The following CCDC141 variants were observed in gnomAD, a reference collection of about 807,000 sequenced individuals.
The protein encoded by CCDC141 is coiled-coil domain containing 141.
CCDC141 carries 168 observed loss-of-function variants against 181.0 expected under a neutral mutation model. The ratio of observed to expected loss-of-function variants is 0.93; its 90% CI spans 0.82 to 1.05. The LOEUF (loss-of-function observed/expected upper bound fraction) is 1.05. CCDC141 is among the 50% of genes least tolerant of loss of function. CCDC141 has a pLI of 0.00. For missense variants in CCDC141, 1,902 were observed against 1,788.5 expected, an observed-to-expected ratio of 1.06 and a Z score of -1.14; for synonymous variants, 666 against 642.3, an observed-to-expected ratio of 1.04 and a Z score of -0.56.
chr2:179,015,091 T>TAC lies in CCDC141; in HGVS notation c.225+32192_225+32193insGT, dbSNP rs1403968448. On this transcript the variant is annotated intron_variant, in intron 2 of 23. Coordinates refer to ENST00000443758, the MANE Select transcript of CCDC141 (RefSeq NM_173648.4). Reference sequence around the variant, plus strand: ...AGATATATATATATATATATATATATATATATATATATAATATATATATAA... The same window carrying TAC: ...AGATATATATATATATATATATATATACATATATATATATAATATATATATAA... 3.0e-3 allele frequency among the ~76,000 whole-genome samples: 127 copies of TAC among 42,030 alleles called. 7 individuals carry two copies. Among genetic ancestry groups the TAC allele is most frequent in the East Asian group, 0.029 (33 of 1,124 alleles). The allele number at this position is 42,030 out of a possible 152,430, so 27.6% of individuals were successfully genotyped here.
chr2:179,036,231 C>T (rs2043141030), intron 2 of CCDC141, among the ~76,000 whole-genome samples: 1 of 152,102 alleles, frequency 6.6e-6, no homozygotes, highest in Admixed American at 6.6e-5. Flanking sequence ...GAATTCTTGC[C>T]CCTTTGGTAA....
chr2:179,038,195 A>T (rs2043196782), intron 2 of CCDC141, among the ~76,000 whole-genome samples: 1 of 152,238 alleles, frequency 6.6e-6, no homozygotes, highest in Non-Finnish European at 1.5e-5. Context: ...AAAGGAATGA[A>T]GGTCTGATAC....
intron 1 of CCDC141, among the ~76,000 whole-genome samples, chr2:179,048,633 T>A (rs998153503): frequency 1.3e-5 from 2 of 152,204 alleles, no homozygotes; most frequent in South Asian, 2.1e-4. Context: ...AAAGTATCAT[T>A]AATCCCGTGC....
chr2:179,027,646 C>CAAAAAAAAAAAAAAAAAAAAAAAAAAAA (rs71023466), intron 2 of CCDC141, among the ~76,000 whole-genome samples: 7 of 53,274 alleles, frequency 1.3e-4, no homozygotes, highest in African/African-American at 2.1e-4. Flanking sequence ...CTCTTACTCT[C>CAAAAAAAAAAAAAAAAAAAAAAAAAAAA]AAAAAAAAAA....
intron 5 of CCDC141, among the ~76,000 whole-genome samples, chr2:178,958,347 G>A (rs1690246655): frequency 6.6e-6 from 1 of 152,068 alleles, no homozygotes; most frequent in Non-Finnish European, 1.5e-5. Flanking sequence ...TCCATTGATT[G>A]TAAACAAGCT....
chr2:178,925,634 C>T (rs1394161240), intron 6 of CCDC141, among the ~76,000 whole-genome samples: 1 of 151,962 alleles, frequency 6.6e-6, no homozygotes, highest in Non-Finnish European at 1.5e-5. Context: ...GTGTCTTGTC[C>T]CTGTTTTTCT....
chr2:179,046,755 C>A (rs976632292), intron 2 of CCDC141, among the ~76,000 whole-genome samples: 1 of 152,182 alleles, frequency 6.6e-6, no homozygotes, highest in Non-Finnish European at 1.5e-5. Flanking sequence ...AACCTCAAAC[C>A]AATGTTACTT....
chr2:178,904,659 G>A (rs2154372877), intron 8 of CCDC141, among the ~76,000 whole-genome samples: 1 of 152,160 alleles, frequency 6.6e-6, no homozygotes, highest in Non-Finnish European at 1.5e-5. Flanking sequence ...TCCACTATCT[G>A]CTCTGTCATT....
At chr2:178,947,635 T>C (rs1390608994) in intron 5 of CCDC141, among the ~76,000 whole-genome samples, 1 of 152,014 alleles carries the variant, frequency 6.6e-6, no homozygotes, top group African/African-American at 2.4e-5. Context: ...ATGACATCTA[T>C]CACAGAGTGA....
At chr2:178,872,696 C>T (rs533900339) in intron 12 of CCDC141, among the ~76,000 whole-genome samples, 7 of 152,262 alleles carry the variant, frequency 4.6e-5, no homozygotes, top group South Asian at 2.1e-4. Context: ...CATTGGAATA[C>T]GTCAAAATAT....
chr2:178,876,160 A>T (rs1217500438), intron 12 of CCDC141: 1 of 152,136 alleles, frequency 6.6e-6, no homozygotes, highest in Non-Finnish European at 1.5e-5. Context: ...TTGCAGCTCC[A>T]AGTAGATGAG....
At chr2:178,856,425 G>T in intron 17 of CCDC141, 28 bp from the exon 18 acceptor site, 1 of 1,494,032 alleles carries the variant, frequency 6.7e-7, no homozygotes, top group African/African-American at 1.4e-5. Flanking sequence ...GAAATAGGTG[G>T]TTTCCTTAAA....
At chr2:179,029,124 C>T (rs1275087639) in intron 2 of CCDC141, among the ~76,000 whole-genome samples, 1 of 152,108 alleles carries the variant, frequency 6.6e-6, no homozygotes, top group African/African-American at 2.4e-5. Flanking sequence ...TTTGCTAATC[C>T]TGTACTCTAA....
At chr2:178,836,866 T>G (rs1236154860) in intron 23 of CCDC141, 28 bp downstream of exon 23, 2 of 1,579,266 alleles carry the variant, frequency 1.3e-6, no homozygotes, top group Non-Finnish European at 8.6e-7. Flanking sequence ...TTGTTTCCAT[T>G]TATGGCTTGT....
intron 5 of CCDC141, among the ~76,000 whole-genome samples, chr2:178,956,279 T>C (rs1009804988): frequency 6.6e-6 from 1 of 152,132 alleles, no homozygotes; most frequent in Non-Finnish European, 1.5e-5. Flanking sequence ...GTTTTAAGAT[T>C]CAGAGTCTAA....
At position 178,918,825 on chromosome 2, in the gene CCDC141, A is replaced by C. The variant is rs1374839461; in HGVS notation, c.980T>G (p.Leu327Arg). 4.5e-6 allele frequency: 7 copies of C among 1,550,462 alleles called. No homozygotes were observed. The African/African-American group carries it at 8.2e-5, about 18-fold the overall frequency. ...ACTGAGTTTCTGGTGAGAGAGCTGG[A>C]GGTGTTCTTTCTCCACGTAGTCCTT... ...LSKDYVEKEHLQLSHQKLSQL... is the reference protein window; with the variant it reads ...LSKDYVEKEHRQLSHQKLSQL... Residue 327 changes from leucine (L) to arginine (R), a missense_variant, in exon 7 of 24, where the codon CTC (leucine) becomes CGC (arginine). Coordinates refer to ENST00000443758, the MANE Select transcript of CCDC141 (RefSeq NM_173648.4).
chr2:178,940,815 C>T (rs567758965), intron 6 of CCDC141, among the ~76,000 whole-genome samples: 1 of 152,290 alleles, frequency 6.6e-6, no homozygotes, highest in Admixed American at 6.5e-5. Context: ...CTGCTACTTC[C>T]CCCGCCCAGA....
intron 6 of CCDC141, among the ~76,000 whole-genome samples, chr2:178,936,149 G>A (rs746230760): frequency 9.9e-5 from 15 of 151,876 alleles, no homozygotes; most frequent in Non-Finnish European, 1.6e-4. Flanking sequence ...TTTTTGGTGT[G>A]TTTGTCATGA....
intron 12 of CCDC141, chr2:178,873,646 A>G (rs1343160384): frequency 6.6e-6 from 1 of 152,212 alleles, no homozygotes; most frequent in Non-Finnish European, 1.5e-5. Context: ...AGCTAGTAGG[A>G]TCTGTGAAAA....
Sources: gnomAD v4.1 joint callset for allele counts (sites outside exome capture counted in the v4.1 genomes callset) on GRCh38, gnomAD v4.1.1 for gene constraint, MANE v1.5 for transcripts, NCBI Gene and HGNC (gene_info 2026-07-23, HGNC 2026-07-21) for gene names.